The following INPP4B variants were observed in gnomAD, a reference collection of about 807,000 sequenced individuals.
INPP4B encodes inositol polyphosphate 4-phosphatase type II.
A neutral mutation model predicts 122.5 loss-of-function variants in INPP4B; 55 were observed. The ratio of observed to expected loss-of-function variants is 0.45; its 90% CI spans 0.36 to 0.56. INPP4B has a LOEUF of 0.56. Ranked by LOEUF, INPP4B falls within the 20% of genes least tolerant of loss-of-function variation. The pLI is 0.00. For missense variants in INPP4B, 1,000 were observed against 1,097.7 expected (o/e 0.91, Z 1.26); for synonymous variants, 403 against 388.7 (o/e 1.04, Z -0.43).
chr4:142,164,254 T>C (rs1300881448), intron 16 of INPP4B, among the ~76,000 whole-genome samples: 1 of 151,892 alleles, frequency 6.6e-6, no homozygotes, highest in African/African-American at 2.4e-5. Flanking sequence ...GACATGTTCA[T>C]TTAAAACTAC....
At chr4:142,785,163 T>C (rs531783493) in intron 1 of INPP4B, among the ~76,000 whole-genome samples, 1 of 151,996 alleles carries the variant, frequency 6.6e-6, no homozygotes, top group Admixed American at 6.6e-5. Context: ...TAGAGGAAAT[T>C]TAAGCCTCTG....
chr4:142,202,737 T>G, intron 14 of INPP4B: 1 of 984,360 alleles, frequency 1.0e-6, no homozygotes, highest in Non-Finnish European at 1.2e-6. Flanking sequence ...CTTCTTTTCA[T>G]ACCAATTTGC....
At chr4:142,639,830 G>C (rs149174652) in intron 2 of INPP4B, among the ~76,000 whole-genome samples, 74 of 152,216 alleles carry the variant, frequency 4.9e-4, no homozygotes, top group African/African-American at 1.7e-3. Flanking sequence ...AAAAGAGGCG[G>C]ATCATTGCTG....
In INPP4B at chr4:142,112,598, A is replaced by C. The variant is rs1790778006; in HGVS notation, c.2220T>G (p.His740Gln). The change falls in exon 22 of 26, where the codon CAT becomes CAG. Residue 740 changes from histidine (H) to glutamine (Q), a missense_variant. Physicochemically the swap from His to Gln is conservative, Grantham distance 24. Coordinates refer to ENST00000262992, the MANE Select transcript of INPP4B (RefSeq NM_001101669.3). The stretch of plus-strand genomic sequence containing the variant: ...CAACATTAAAAAGTACTGGATACAC[A>C]TGAAGCAACTGTCCTTCTTTAATCT... ...PLQIKEGQLL[H>Q]VYPVLFNVGI... 1 of 1,613,230 alleles carries C rather than the reference A, an allele frequency of 6.2e-7. No individual in the cohort carries two copies. Among genetic ancestry groups the C allele is most frequent in the South Asian group, 1.1e-5 (1 of 91,054 alleles).
chr4:142,738,251 C>T (rs552462202), intron 1 of INPP4B, among the ~76,000 whole-genome samples: 1 of 152,280 alleles, frequency 6.6e-6, no homozygotes, highest in African/African-American at 2.4e-5. Context: ...AAATGTGGCA[C>T]ATATACACCA....
At chr4:142,378,341 G>T (rs927328730) in intron 7 of INPP4B, among the ~76,000 whole-genome samples, 2 of 152,134 alleles carry the variant, frequency 1.3e-5, no homozygotes, top group African/African-American at 2.4e-5. Flanking sequence ...CACTATGTGA[G>T]CCTGATTTTC....
At chr4:142,092,911 G>A (rs948686662) in intron 23 of INPP4B, among the ~76,000 whole-genome samples, 2 of 152,064 alleles carry the variant, frequency 1.3e-5, no homozygotes, top group Non-Finnish European at 2.9e-5. Flanking sequence ...TACATTCTTC[G>A]ACACTTTTTA....
chr4:142,648,199 C>T (rs530992546), intron 2 of INPP4B, among the ~76,000 whole-genome samples: 4 of 152,330 alleles, frequency 2.6e-5, no homozygotes, highest in Admixed American at 6.5e-5. Flanking sequence ...ATGAAAGTGC[C>T]TTCCAAGATG....
intron 16 of INPP4B, 71 bp downstream of exon 16, chr4:142,173,561 A>G: frequency 4.5e-6 from 6 of 1,323,808 alleles, no homozygotes; most frequent in South Asian, 2.6e-5. Flanking sequence ...ATGGCGATGT[A>G]TGCAGAAAGC....
In INPP4B at chr4:142,697,787, G is replaced by A. The variant is rs150206394; in HGVS notation, c.-191+28052C>T. Among the ~76,000 whole-genome samples, 30 of 152,210 alleles carry A rather than the reference G, an allele frequency of 2.0e-4. 1 individual carries two copies. The highest frequency in any genetic ancestry group is 6.0e-4 in the African/African-American group (25 of 41,518). On this transcript the variant is annotated intron_variant, in intron 2 of 25. Transcript: ENST00000262992. ...AGAAATCCTAGAACATGAGGCATGGGTAAAAGTTCTTAAATAGGGCCAAGA... is the reference window on the plus strand; with the variant it reads ...AGAAATCCTAGAACATGAGGCATGGATAAAAGTTCTTAAATAGGGCCAAGA...
chr4:142,441,030 C>T (rs999876040), intron 3 of INPP4B, among the ~76,000 whole-genome samples: 20 of 151,904 alleles, frequency 1.3e-4, no homozygotes, highest in Non-Finnish European at 2.8e-4. Flanking sequence ...GCAAGACAAG[C>T]GGAGATCAGA....
intron 1 of INPP4B, among the ~76,000 whole-genome samples, chr4:142,794,162 C>T (rs1358085461): frequency 6.6e-6 from 1 of 151,910 alleles, no homozygotes; most frequent in Non-Finnish European, 1.5e-5. Context: ...AACTAATTAT[C>T]GAGAATAGTC....
chr4:142,824,381 A>T (rs890972501), intron 1 of INPP4B, among the ~76,000 whole-genome samples: 2 of 149,354 alleles, frequency 1.3e-5, no homozygotes, highest in Admixed American at 1.3e-4. Flanking sequence ...ACCCAGGCCA[A>T]AATAGTCCTC....
chr4:142,125,755 C>T (rs142212333), intron 18 of INPP4B, among the ~76,000 whole-genome samples: 62 of 152,228 alleles, frequency 4.1e-4, no homozygotes, highest in Non-Finnish European at 7.4e-4. Context: ...ACTACTCACA[C>T]ACTACTCACC....
intron 2 of INPP4B, among the ~76,000 whole-genome samples, chr4:142,530,453 A>G (rs553492828): frequency 6.6e-6 from 1 of 152,092 alleles, no homozygotes; most frequent in African/African-American, 2.4e-5. Flanking sequence ...CCCAATTGTC[A>G]TAGAGCTTAC....
chr4:142,628,382 A>G (rs1263716032), intron 2 of INPP4B, among the ~76,000 whole-genome samples: 1 of 130,102 alleles, frequency 7.7e-6, no homozygotes, highest in Non-Finnish European at 1.6e-5. Context: ...GGACACAGGA[A>G]GGGGAATATC....
At chr4:142,062,871 A>T (rs1444358730) in intron 25 of INPP4B, among the ~76,000 whole-genome samples, 6 of 152,228 alleles carry the variant, frequency 3.9e-5, no homozygotes, top group Admixed American at 2.6e-4. Flanking sequence ...TTTGCCTTTC[A>T]ACACTGATCC....
At chr4:142,441,422 C>T (rs1385453315) in intron 3 of INPP4B, among the ~76,000 whole-genome samples, 1 of 152,006 alleles carries the variant, frequency 6.6e-6, no homozygotes, top group Non-Finnish European at 1.5e-5. Context: ...AAGCCACTAA[C>T]CTATCAGGAG....
At chr4:142,290,486 G>A (rs1198397548) in intron 9 of INPP4B, among the ~76,000 whole-genome samples, 2 of 152,004 alleles carry the variant, frequency 1.3e-5, no homozygotes, top group Non-Finnish European at 2.9e-5. Flanking sequence ...GATTACAGGC[G>A]TGAGCCACCG....
Sources: gnomAD v4.1 joint callset for allele counts (sites outside exome capture counted in the v4.1 genomes callset) on GRCh38, gnomAD v4.1.1 for gene constraint, MANE v1.5 for transcripts, NCBI Gene and HGNC (gene_info 2026-07-23, HGNC 2026-07-21) for gene names.